The following LIN28B variants were observed in gnomAD, a reference collection of about 807,000 sequenced individuals.
The protein encoded by LIN28B is lin-28 RNA binding posttranscriptional regulator B.
In LIN28B, 5 loss-of-function variants were observed where a neutral mutation model predicts 21.9. The observed-to-expected ratio is 0.23, with a 90% CI of 0.12 to 0.48. LIN28B has a LOEUF of 0.48. LIN28B is among the 20% of genes least tolerant of loss of function. The pLI is 0.98. For missense variants in LIN28B, 245 were observed against 310.5 expected, an observed-to-expected ratio of 0.79 and a Z score of 1.58; for synonymous variants, 109 against 111.3, an observed-to-expected ratio of 0.98 and a Z score of 0.13.
intron 2 of LIN28B, among the ~76,000 whole-genome samples, chr6:104,942,247 A>G (rs1266042475): frequency 2.0e-5 from 3 of 152,230 alleles, no homozygotes; most frequent in Non-Finnish European, 2.9e-5. Flanking sequence ...TATTAGAATG[A>G]ATTTAAAACG....
chr6:104,940,070 G>C (rs1227508062), intron 2 of LIN28B: 3 of 158,242 alleles, frequency 1.9e-5, no homozygotes, highest in African/African-American at 4.8e-5. Flanking sequence ...CCAATTTGAC[G>C]TTGAGTATCT....
intron 3 of LIN28B, among the ~76,000 whole-genome samples, chr6:105,030,271 G>T (rs1771391452): frequency 6.6e-6 from 1 of 152,146 alleles, no homozygotes; most frequent in African/African-American, 2.4e-5. Flanking sequence ...CAGTGTGGTA[G>T]CAAGAAATGG....
At chr6:104,950,442 T>A in intron 2 of LIN28B, 1 of 1,215,766 alleles carries the variant, frequency 8.2e-7, no homozygotes, top group Non-Finnish European at 1.0e-6. Context: ...TAGTACTGAC[T>A]TGAGCTCTCT....
At chr6:105,023,517 ATATAAT>A (rs1771203245) in intron 2 of LIN28B, among the ~76,000 whole-genome samples, 1 of 3,092 alleles carries the variant, frequency 3.2e-4, no homozygotes, top group African/African-American at 8.2e-4. Context: ...TATATAATAT[ATATAAT>A]TATATTATAT....
chr6:105,031,809 A>C (rs1026063288), intron 3 of LIN28B, among the ~76,000 whole-genome samples: 2 of 151,952 alleles, frequency 1.3e-5, no homozygotes, highest in African/African-American at 4.8e-5. Context: ...TGAAAATTGA[A>C]TTTTTTTCTT....
chr6:104,941,929 A>T (rs1257107331), intron 2 of LIN28B, among the ~76,000 whole-genome samples: 1 of 152,048 alleles, frequency 6.6e-6, no homozygotes. Flanking sequence ...TAGTGCCCTT[A>T]TTGCGGAAAT....
intron 3 of LIN28B, among the ~76,000 whole-genome samples, chr6:105,053,717 G>A (rs200671667): frequency 0.12 from 17,131 of 140,712 alleles, 1,262 homozygotes; most frequent in East Asian, 0.28. Context: ...GTGGGTGCGT[G>A]TGTGTGTGTG....
chr6:105,014,791 T>TTAAATC (rs1770996470), intron 2 of LIN28B, among the ~76,000 whole-genome samples: 1 of 152,046 alleles, frequency 6.6e-6, no homozygotes. Flanking sequence ...AATAAAGTAC[T>TTAAATC]TAAATCTAAA....
At chr6:105,009,830 C>G (rs1234407791) in intron 2 of LIN28B, among the ~76,000 whole-genome samples, 1 of 152,174 alleles carries the variant, frequency 6.6e-6, no homozygotes. Context: ...TGCTGCCTTT[C>G]AAATTCATTC....
intron 2 of LIN28B, among the ~76,000 whole-genome samples, chr6:104,963,166 C>A (rs889307830): frequency 6.6e-6 from 1 of 152,168 alleles, no homozygotes; most frequent in Non-Finnish European, 1.5e-5. Flanking sequence ...CCTGCTTCAG[C>A]CTCCTGAGTA....
intron 2 of LIN28B, among the ~76,000 whole-genome samples, chr6:105,000,333 TAA>T (rs1474980462): frequency 1.3e-5 from 2 of 152,134 alleles, no homozygotes; most frequent in Non-Finnish European, 2.9e-5. Context: ...AACAGAGTGG[TAA>T]AAAAATAAAA....
At chr6:105,005,187 T>C in intron 2 of LIN28B, among the ~76,000 whole-genome samples, 1 of 152,172 alleles carries the variant, frequency 6.6e-6, no homozygotes, top group Non-Finnish European at 1.5e-5. Flanking sequence ...AGAACTCAGG[T>C]GCCCTTCTGA....
Position 105,026,373 on chromosome 6 carries a change from A to G in LIN28B, c.274A>G (p.Lys92Glu). The change falls in exon 3 of 4, where the codon AAA becomes GAA. Residue 92 changes from lysine to glutamate, a missense_variant. Physicochemically the swap from Lys to Glu is moderately conservative, Grantham distance 56 (BLOSUM62 1). Coordinates refer to ENST00000345080, the MANE Select transcript of LIN28B (RefSeq NM_001004317.4). ...GGAATTCACATTTAAAAAATCTTCC[A>G]AAGGCCTTGAGTCAATACGGGTAAC... The part of the protein sequence containing the change: ...PVEFTFKKSS[K>E]GLESIRVTGP... The G allele has an allele frequency of 6.2e-7, 1 of 1,611,596 alleles. No homozygotes were observed. The highest frequency in any genetic ancestry group is 8.5e-7 in the Non-Finnish European group (1 of 1,178,266).
intron 2 of LIN28B, among the ~76,000 whole-genome samples, chr6:104,992,483 GTTGT>G (rs1770508027): frequency 8.7e-6 from 1 of 114,556 alleles, no homozygotes; most frequent in Admixed American, 9.9e-5. Context: ...TTAAGTTTCT[GTTGT>G]GTGTGTGTGT....
At chr6:105,020,910 G>A (rs908096625) in intron 2 of LIN28B, among the ~76,000 whole-genome samples, 9 of 151,608 alleles carry the variant, frequency 5.9e-5, no homozygotes, top group Non-Finnish European at 1.0e-4. Flanking sequence ...CCACCACCAC[G>A]CCCGGCTAAT....
At chr6:105,073,987 T>A (rs1167769878) in intron 3 of LIN28B, among the ~76,000 whole-genome samples, 1 of 152,236 alleles carries the variant, frequency 6.6e-6, no homozygotes, top group Non-Finnish European at 1.5e-5. Context: ...ATTTCTGAAT[T>A]AGTTTTCATT....
chr6:104,943,329 G>T (rs1582854745), intron 2 of LIN28B, among the ~76,000 whole-genome samples: 1 of 152,006 alleles, frequency 6.6e-6, no homozygotes. Flanking sequence ...ACACACTGCT[G>T]TCATAATTTA....
chr6:105,056,939 A>G (rs1772033675), intron 3 of LIN28B, among the ~76,000 whole-genome samples: 1 of 152,116 alleles, frequency 6.6e-6, no homozygotes, highest in Non-Finnish European at 1.5e-5. Context: ...ACAGTTTTTT[A>G]CTACTTATTG....
chr6:105,066,676 T>C (rs1005727796), intron 3 of LIN28B, among the ~76,000 whole-genome samples: 2 of 152,152 alleles, frequency 1.3e-5, no homozygotes, highest in Non-Finnish European at 2.9e-5. Flanking sequence ...TAAAATTCTT[T>C]TATATATTGT....
Sources: allele counts gnomAD v4.1 joint callset (sites outside exome capture counted in the v4.1 genomes callset), GRCh38; gene constraint gnomAD v4.1.1; transcripts MANE v1.5; gene names NCBI Gene and HGNC (gene_info 2026-07-23, HGNC 2026-07-21).